RPS6KA5: variants seen among roughly 807,000 people sequenced by gnomAD.
RPS6KA5 encodes the protein ribosomal protein S6 kinase alpha-5.
In RPS6KA5, 27 loss-of-function variants were observed where a neutral mutation model predicts 85.5. That is an observed-to-expected ratio of 0.32 (90% CI 0.23 to 0.44). RPS6KA5 has a LOEUF of 0.44. RPS6KA5 is among the 20% of genes least tolerant of loss of function. The pLI is 1.00. For synonymous variants in RPS6KA5, 334 were observed against 348.2 expected (o/e 0.96, Z 0.46); for missense variants, 811 against 980.9 (o/e 0.83, Z 2.31).
At chr14:90,947,663 T>C (rs2037942781) in intron 3 of RPS6KA5, 113 bp from the exon 4 acceptor site, 2 of 635,916 alleles carry the variant, frequency 3.1e-6, no homozygotes, top group Admixed American at 5.5e-5. Context: ...TATATTGCTA[T>C]ATACAATTTA....
rs527614198 is a variant in RPS6KA5, at chr14:91,003,900, C to T, written c.104-2741G>A. On this transcript the variant is annotated intron_variant, in intron 1 of 16. Transcript: ENST00000614987. ...TTGGAATTTTCTTGCTTAAGAATGGCAAGATTCCAGTAAACAATCTTAAAG... is the reference window on the plus strand; with the variant it reads ...TTGGAATTTTCTTGCTTAAGAATGGTAAGATTCCAGTAAACAATCTTAAAG... 2.0e-5 allele frequency among the ~76,000 whole-genome samples: 3 copies of T among 152,226 alleles called. No individual in the cohort carries two copies. The South Asian group carries it at 6.2e-4, about 32-fold the overall frequency.
intron 1 of RPS6KA5, among the ~76,000 whole-genome samples, chr14:91,020,234 C>G (rs2041688218): frequency 7.1e-6 from 1 of 140,846 alleles, no homozygotes; most frequent in Admixed American, 7.2e-5. Context: ...TGTGTATGGC[C>G]CTCCATGTCC....
intron 1 of RPS6KA5, 31 bp downstream of exon 1, chr14:91,060,301 G>A (rs760023944): frequency 4.1e-4 from 499 of 1,214,344 alleles, no homozygotes; most frequent in Non-Finnish European, 4.9e-4. Context: ...CCCCGCGCCG[G>A]GCCCGGCCGG....
chr14:90,961,241 C>A (rs570670246), intron 3 of RPS6KA5, among the ~76,000 whole-genome samples: 44 of 152,324 alleles, frequency 2.9e-4, no homozygotes, highest in African/African-American at 8.9e-4. Flanking sequence ...AAAATAATCA[C>A]ATAATCCCCA....
intron 14 of RPS6KA5, 66 bp downstream of exon 14, chr14:90,890,421 G>T: frequency 7.5e-7 from 1 of 1,333,744 alleles, no homozygotes; most frequent in Non-Finnish European, 1.0e-6. Context: ...ACAGTGAAGA[G>T]TGAGATAAGG....
intron 14 of RPS6KA5, among the ~76,000 whole-genome samples, chr14:90,879,193 C>T (rs994295680): frequency 8.5e-5 from 13 of 152,220 alleles, no homozygotes; most frequent in Admixed American, 7.2e-4. Flanking sequence ...GGCACAGCAA[C>T]AAACCAATGC....
intron 3 of RPS6KA5, 136 bp downstream of exon 3, chr14:90,978,170 G>A: frequency 1.7e-6 from 1 of 603,160 alleles, no homozygotes; most frequent in Non-Finnish European, 2.7e-6. Context: ...TATTCCAGGA[G>A]ATGCCACCAC....
At chr14:91,018,347 T>C (rs577342613) in intron 1 of RPS6KA5, among the ~76,000 whole-genome samples, 1 of 152,322 alleles carries the variant, frequency 6.6e-6, no homozygotes, top group African/African-American at 2.4e-5. Flanking sequence ...TCAACTTGAT[T>C]GGATTGAAGG....
In RPS6KA5 at chr14:90,932,431, C is replaced by T. The variant is rs188399284; in HGVS notation, c.619-9235G>A. Reference sequence around the variant, plus strand: ...CTGGGATTACAGGCATCAGCCCAGGCAATTTCACTTTAAATTCATGATCAG... The same window carrying T: ...CTGGGATTACAGGCATCAGCCCAGGTAATTTCACTTTAAATTCATGATCAG... On this transcript the variant is annotated intron_variant, in intron 5 of 16. Transcript: ENST00000614987. 1.9e-3 allele frequency among the ~76,000 whole-genome samples: 288 copies of T among 152,262 alleles called. 1 individual carries two copies. The highest frequency in any genetic ancestry group is 6.5e-3 in the African/African-American group (269 of 41,550).
intron 1 of RPS6KA5, among the ~76,000 whole-genome samples, 191 bp from the exon 2 acceptor site, chr14:91,001,350 C>CT (rs1310394520): frequency 6.6e-6 from 1 of 151,970 alleles, no homozygotes; most frequent in Non-Finnish European, 1.5e-5. Context: ...TACAATAAAA[C>CT]TTTTTTTGGA....
At chr14:90,945,926 C>T (rs1025857402) in intron 4 of RPS6KA5, among the ~76,000 whole-genome samples, 21 of 152,136 alleles carry the variant, frequency 1.4e-4, no homozygotes, top group African/African-American at 5.1e-4. Context: ...TCACCTGAGC[C>T]TGGGAAGGTG....
chr14:90,911,951 G>A (rs961248284), intron 7 of RPS6KA5, among the ~76,000 whole-genome samples: 8 of 152,060 alleles, frequency 5.3e-5, no homozygotes, highest in Non-Finnish European at 7.4e-5. Context: ...TGGCAAGGAG[G>A]CAATGGAGTC....
At position 90,862,128 on chromosome 14, in the gene RPS6KA5, G is replaced by C. The variant is rs764401168; in HGVS notation, c.*9946C>G. ...ACAATACAGGAACCAAGAGGATATA[G>C]GACAAAAATGTAAAAGAAATTGTAA... On this transcript the variant is annotated 3_prime_UTR_variant, in exon 17 of 17. Coordinates refer to ENST00000614987, the MANE Select transcript of RPS6KA5 (RefSeq NM_004755.4). 6.6e-6 allele frequency: 1 copy of C among 152,072 alleles called. No individual in the cohort carries two copies. Among genetic ancestry groups the C allele is most frequent in the Non-Finnish European group, 1.5e-5 (1 of 68,010 alleles). The allele number at this position is 152,072 out of a possible 1,614,324, so 9.4% of individuals were successfully genotyped here. A position where few individuals can be genotyped will look rare whatever the true frequency, so the allele number is the denominator to read the frequency against.
At chr14:90,928,200 G>A (rs998019706) in intron 5 of RPS6KA5, among the ~76,000 whole-genome samples, 1 of 151,706 alleles carries the variant, frequency 6.6e-6, no homozygotes. Flanking sequence ...ATATAGGTAT[G>A]AGCCACCACT....
At chr14:90,876,940 C>CT (rs1237794200) in intron 14 of RPS6KA5, among the ~76,000 whole-genome samples, 1 of 152,190 alleles carries the variant, frequency 6.6e-6, no homozygotes, top group Non-Finnish European at 1.5e-5. Context: ...TGAAACAGCT[C>CT]TTACACACTG....
intron 5 of RPS6KA5, among the ~76,000 whole-genome samples, chr14:90,927,064 C>T (rs560335760): frequency 2.8e-4 from 43 of 152,182 alleles, no homozygotes; most frequent in African/African-American, 1.0e-3. Context: ...AGCATTCTAA[C>T]GTTCTTGTAG....
intron 12 of RPS6KA5, among the ~76,000 whole-genome samples, chr14:90,895,877 C>A (rs1425360749): frequency 3.3e-5 from 5 of 152,042 alleles, no homozygotes; most frequent in African/African-American, 2.4e-5. Flanking sequence ...GTGACAGAGA[C>A]CCTGTCTCAA....
chr14:91,040,042 T>C (rs560550750), intron 1 of RPS6KA5, among the ~76,000 whole-genome samples: 5 of 152,066 alleles, frequency 3.3e-5, no homozygotes, highest in African/African-American at 4.8e-5. Flanking sequence ...GTGGGGAGAA[T>C]GTGAGAGAGA....
At chr14:91,051,935 G>A (rs1292501034) in intron 1 of RPS6KA5, among the ~76,000 whole-genome samples, 1 of 150,840 alleles carries the variant, frequency 6.6e-6, no homozygotes, top group Non-Finnish European at 1.5e-5. Flanking sequence ...CCCTAGGATC[G>A]GGAAAAGACA....
Sources: gnomAD v4.1 joint callset for allele counts (sites outside exome capture counted in the v4.1 genomes callset) on GRCh38, gnomAD v4.1.1 for gene constraint, MANE v1.5 for transcripts, NCBI Gene and HGNC (gene_info 2026-07-23, HGNC 2026-07-21) for gene names.